The following TMEM200A variants were observed in gnomAD, a reference collection of about 807,000 sequenced individuals.
The protein encoded by TMEM200A is transmembrane protein 200A.
In TMEM200A, 12 loss-of-function variants were observed where a neutral mutation model predicts 24.3. The ratio of observed to expected loss-of-function variants is 0.49; its 90% confidence interval spans 0.32 to 0.80. TMEM200A has a LOEUF of 0.80. Ranked by LOEUF, TMEM200A falls within the 30% of genes least tolerant of loss-of-function variation. TMEM200A has a pLI of 0.04. For missense variants in TMEM200A, 545 were observed against 614.4 expected (o/e 0.89, Z 1.19); for synonymous variants, 224 against 224.4 (o/e 1.00, Z 0.02).
chr6:130,416,543 A>G (rs1779459733), intron 2 of TMEM200A, among the ~76,000 whole-genome samples: 1 of 152,090 alleles, frequency 6.6e-6, no homozygotes, highest in Non-Finnish European at 1.5e-5. Flanking sequence ...TTTACTGCCC[A>G]CACCCAGTGT....
intron 2 of TMEM200A, among the ~76,000 whole-genome samples, chr6:130,417,906 G>T (rs374080365): frequency 1.3e-5 from 2 of 151,990 alleles, no homozygotes; most frequent in African/African-American, 4.8e-5. Context: ...CTCCAACTTC[G>T]CTTGCTCTTA....
chr6:130,422,095 A>G (rs1779606640), intron 2 of TMEM200A, among the ~76,000 whole-genome samples: 1 of 152,104 alleles, frequency 6.6e-6, no homozygotes, highest in Non-Finnish European at 1.5e-5. Flanking sequence ...GCTGGATCGT[A>G]TGGTAGTCCT....
In TMEM200A at chr6:130,441,909, A is replaced by T. The variant is rs748240334; in HGVS notation, c.*11A>T. ...GAAACAAGGTTTTAATGTTAAAAGAATATATCATTTTACAAGGGTATATAT... is the reference window on the plus strand; with the variant it reads ...GAAACAAGGTTTTAATGTTAAAAGATTATATCATTTTACAAGGGTATATAT... On this transcript the variant is annotated 3_prime_UTR_variant, in exon 3 of 3. Coordinates refer to ENST00000296978, the MANE Select transcript of TMEM200A (RefSeq NM_001258277.2). 5.1e-6 allele frequency: 8 copies of T among 1,579,474 alleles called. No homozygotes were observed. The highest frequency in any genetic ancestry group is 2.2e-5 in the East Asian group (1 of 44,494).
At chr6:130,430,533 A>G (rs1313396207) in intron 2 of TMEM200A, among the ~76,000 whole-genome samples, 1 of 152,250 alleles carries the variant, frequency 6.6e-6, no homozygotes, top group Admixed American at 6.5e-5. Context: ...AGATGAAAAC[A>G]GAAATAGTCC....
intron 2 of TMEM200A, among the ~76,000 whole-genome samples, chr6:130,406,622 A>G (rs1779215307): frequency 6.6e-6 from 1 of 152,142 alleles, no homozygotes; most frequent in African/African-American, 2.4e-5. Flanking sequence ...TAGACTCTAT[A>G]CCTGATAAAT....
chr6:130,366,122 C>T lies in TMEM200A; in HGVS notation c.-483C>T, dbSNP rs1010464396. The T allele has an allele frequency of 1.0e-6, 1 of 985,474 alleles. No individual in the cohort carries two copies. Among genetic ancestry groups the T allele is most frequent in the Non-Finnish European group, 1.2e-6 (1 of 829,976 alleles). 61.0% of individuals were successfully genotyped at this position (985,474 alleles called of 1,614,324 possible). A position where few individuals can be genotyped will look rare whatever the true frequency, so the allele number is the denominator to read the frequency against. On this transcript the variant is annotated 5_prime_UTR_variant, in exon 1 of 3. Transcript: ENST00000296978. This position sits in a 1 kb window ranked among gnomAD's most constrained non-coding sequence, Gnocchi z 4.4. The stretch of plus-strand genomic sequence containing the variant: ...GAGCGGCGACTCCCTCTCCCCTGCC[C>T]GGCTTGCTGCGCCCGGTGCCCTCCG...
intron 1 of TMEM200A, among the ~76,000 whole-genome samples, chr6:130,376,608 A>G (rs62432229): frequency 0.18 from 26,716 of 152,206 alleles, 2,611 homozygotes; most frequent in East Asian, 0.39. Flanking sequence ...CAGTATTTTT[A>G]TGAAAATACT....
At chr6:130,365,568 C>G, upstream of TMEM200A, 1 of 985,354 alleles carries the variant, frequency 1.0e-6, no homozygotes, top group South Asian at 4.7e-5. Context: ...TACTGCGAGT[C>G]GGCTGGAGCT....
At chr6:130,378,243 G>A (rs751451256) in intron 1 of TMEM200A, among the ~76,000 whole-genome samples, 10 of 151,050 alleles carry the variant, frequency 6.6e-5, no homozygotes, top group Non-Finnish European at 1.3e-4. Context: ...TAAGAATATT[G>A]AATTAGAGTT....
chr6:130,412,720 G>A (rs1265543701), intron 2 of TMEM200A, among the ~76,000 whole-genome samples: 3 of 152,076 alleles, frequency 2.0e-5, no homozygotes, highest in South Asian at 2.1e-4. Flanking sequence ...CACCCCCTTC[G>A]AATGCTTTAG....
intron 2 of TMEM200A, among the ~76,000 whole-genome samples, chr6:130,396,231 T>C (rs1778949367): frequency 6.6e-6 from 1 of 152,116 alleles, no homozygotes; most frequent in Admixed American, 6.6e-5. Flanking sequence ...AAAATGCTAG[T>C]GATGATAGAG....
chr6:130,441,399 C>T lies in TMEM200A; in HGVS notation c.977C>T (p.Ser326Phe). The change falls in exon 3 of 3, where the codon TCC becomes TTC. Residue 326 changes from serine to phenylalanine, a missense_variant. Ser to Phe is a radical substitution (Grantham distance 155). Coordinates refer to ENST00000296978, the MANE Select transcript of TMEM200A (RefSeq NM_001258277.2). ...AGGTCAAGGAATTTGTCAATGGATTCCCTTGTGGTTCCTTTGCCCAACACC... is the reference window on the plus strand; with the variant it reads ...AGGTCAAGGAATTTGTCAATGGATTTCCTTGTGGTTCCTTTGCCCAACACC... ...KSRSRNLSMD[S>F]LVVPLPNTSE... The T allele has an allele frequency of 6.2e-7, 1 of 1,614,090 alleles. No individual in the cohort carries two copies.
intron 2 of TMEM200A, among the ~76,000 whole-genome samples, chr6:130,390,579 A>G (rs1370698673): frequency 2.0e-5 from 3 of 152,232 alleles, no homozygotes; most frequent in Admixed American, 2.0e-4. Flanking sequence ...CCTTAAAGGT[A>G]CAAATCCTGT....
intron 2 of TMEM200A, among the ~76,000 whole-genome samples, chr6:130,422,007 A>G (rs1473524954): frequency 6.6e-6 from 1 of 152,204 alleles, no homozygotes; most frequent in African/African-American, 2.4e-5. Context: ...TGAATAATGC[A>G]GCAATGAAAA....
chr6:130,400,122 A>C (rs763536216), intron 2 of TMEM200A, among the ~76,000 whole-genome samples: 38 of 151,754 alleles, frequency 2.5e-4, no homozygotes, highest in South Asian at 8.3e-4. Flanking sequence ...ACACACACAC[A>C]CCACAGTTTC....
At chr6:130,436,175 T>G (rs182703612) in intron 2 of TMEM200A, among the ~76,000 whole-genome samples, 6 of 152,328 alleles carry the variant, frequency 3.9e-5, no homozygotes, top group Non-Finnish European at 7.4e-5. Context: ...TGTGTGACTC[T>G]AGGCAAGTTA....
chr6:130,405,892 T>C (rs1313536455), intron 2 of TMEM200A, among the ~76,000 whole-genome samples: 1 of 152,202 alleles, frequency 6.6e-6, no homozygotes, highest in African/African-American at 2.4e-5. Context: ...TCTTCATGTC[T>C]TGAGTGGACA....
intron 1 of TMEM200A, among the ~76,000 whole-genome samples, chr6:130,374,218 C>T (rs75067413): frequency 0.014 from 2,106 of 152,194 alleles, 49 homozygotes; most frequent in African/African-American, 0.045. Flanking sequence ...CTGACAGCCC[C>T]GCCTCTGTAG....
At chr6:130,384,987 G>A (rs781189415) in intron 1 of TMEM200A, among the ~76,000 whole-genome samples, 186 bp from the exon 2 acceptor site, 3 of 152,108 alleles carry the variant, frequency 2.0e-5, no homozygotes, top group Non-Finnish European at 4.4e-5. Context: ...TCATCTGGTG[G>A]CAGAAAGAAA....
Sources: gnomAD v4.1 joint callset for allele counts (sites outside exome capture counted in the v4.1 genomes callset) on GRCh38, gnomAD v4.1.1 for gene constraint, Gnocchi (gnomAD v3.1) non-coding constraint, MANE v1.5 for transcripts, NCBI Gene and HGNC (gene_info 2026-07-23, HGNC 2026-07-21) for gene names.